TEX36: variants seen among roughly 807,000 people sequenced by gnomAD.
The protein encoded by TEX36 is testis expressed 36.
TEX36 carries 12 observed loss-of-function variants against 13.6 expected under a neutral mutation model. The ratio of observed to expected loss-of-function variants is 0.88; its 90% CI spans 0.56 to 1.43. The LOEUF is 1.43. TEX36 is among the 40% of genes most tolerant of loss of function. TEX36 has a pLI of 0.00. For synonymous variants in TEX36, 93 were observed against 83.0 expected (o/e 1.12, Z -0.65); for missense variants, 224 against 228.3 (o/e 0.98, Z 0.12).
intron 3 of TEX36, among the ~76,000 whole-genome samples, chr10:125,637,048 T>C (rs575720316): frequency 6.6e-6 from 1 of 152,156 alleles, no homozygotes; most frequent in African/African-American, 2.4e-5. Context: ...ATGCTGGTAA[T>C]CCCAGCATTT....
At chr10:125,678,603 G>A (rs1042696182) in intron 1 of TEX36, among the ~76,000 whole-genome samples, 9 of 152,182 alleles carry the variant, frequency 5.9e-5, no homozygotes, top group African/African-American at 2.2e-4. Flanking sequence ...GGTGATGGCA[G>A]TAGCAGTGGC....
intron 3 of TEX36, among the ~76,000 whole-genome samples, chr10:125,656,522 C>T (rs1395476784): frequency 1.3e-5 from 2 of 151,854 alleles, no homozygotes; most frequent in South Asian, 2.1e-4. Flanking sequence ...CCTCCCAAAG[C>T]GCTAGGATTA....
At chr10:125,617,479 C>T (rs1007045857), downstream of TEX36, among the ~76,000 whole-genome samples, 7 of 152,156 alleles carry the variant, frequency 4.6e-5, no homozygotes, top group Non-Finnish European at 4.4e-5. Flanking sequence ...TAGGGCAGGC[C>T]TGGTGGTGAC....
At chr10:125,618,075 G>A (rs1182642277), downstream of TEX36, among the ~76,000 whole-genome samples, 5 of 150,028 alleles carry the variant, frequency 3.3e-5, no homozygotes, top group African/African-American at 7.4e-5. Flanking sequence ...CCAGTTGATC[G>A]CATCGGCTCC....
chr10:125,649,959 T>C (rs1003384392), intron 3 of TEX36, among the ~76,000 whole-genome samples: 11 of 152,188 alleles, frequency 7.2e-5, no homozygotes, highest in South Asian at 2.1e-4. Context: ...ATCCTAAATA[T>C]ATATGCACCC....
At position 125,674,836 on chromosome 10, in the gene TEX36, T is replaced by C. The variant is rs1847287898; in HGVS notation, c.51+8103A>G. Reference sequence around the variant, plus strand: ...TCTCTGTCCCAGAGGGACACTGACCTGATACCAGCAGGAACACTCCTGTGT... The same window carrying C: ...TCTCTGTCCCAGAGGGACACTGACCCGATACCAGCAGGAACACTCCTGTGT... On this transcript the variant is annotated intron_variant, in intron 1 of 3. Coordinates refer to ENST00000368821, the MANE Select transcript of TEX36 (RefSeq NM_001128202.3). 2.0e-5 allele frequency among the ~76,000 whole-genome samples: 3 copies of C among 152,374 alleles called. No homozygotes were observed. In the South Asian group the frequency reaches 6.2e-4, roughly 32 times the overall value.
rs188331698 is a variant in TEX36, at chr10:125,665,958, T to C, written c.52-3981A>G. On this transcript the variant is annotated intron_variant, in intron 1 of 3. Transcript: ENST00000368821. ...TTCTTATATATTTTTGTAGCTATTA[T>C]AAATGAAATTGCCTTCTTGATTTCC... Among the ~76,000 whole-genome samples, 253 of 152,324 alleles carry C rather than the reference T, an allele frequency of 1.7e-3. 2 individuals are homozygous for C. Among genetic ancestry groups the C allele is most frequent in the Admixed American group, 0.015 (231 of 15,300 alleles).
intron 3 of TEX36, among the ~76,000 whole-genome samples, chr10:125,625,085 C>T (rs1186657177): frequency 6.6e-6 from 1 of 152,210 alleles, no homozygotes; most frequent in East Asian, 1.9e-4. Flanking sequence ...AAAGTCCGTG[C>T]TGACTCTTGC....
downstream of TEX36, among the ~76,000 whole-genome samples, chr10:125,650,850 C>A (rs1403892563): frequency 6.6e-6 from 1 of 152,124 alleles, no homozygotes; most frequent in Non-Finnish European, 1.5e-5. Context: ...AAACTGCCAT[C>A]AGAGAATACT....
chr10:125,608,390 C>A (rs1846242129), intron 3 of TEX36, among the ~76,000 whole-genome samples: 2 of 152,112 alleles, frequency 1.3e-5, no homozygotes, highest in South Asian at 2.1e-4. Flanking sequence ...CTGACTGTTA[C>A]AATTAAACAA....
intron 3 of TEX36, among the ~76,000 whole-genome samples, chr10:125,641,170 G>A (rs1846686471): frequency 6.6e-6 from 1 of 152,198 alleles, no homozygotes; most frequent in Admixed American, 6.5e-5. Flanking sequence ...GCCATGGCAG[G>A]AGAAGTGCCC....
intron 3 of TEX36, among the ~76,000 whole-genome samples, chr10:125,596,948 G>A (rs1214007937): frequency 1.3e-5 from 2 of 152,128 alleles, no homozygotes; most frequent in Non-Finnish European, 2.9e-5. Flanking sequence ...TGTAAAATGG[G>A]TTAAAAATAT....
intron 3 of TEX36, among the ~76,000 whole-genome samples, chr10:125,586,655 A>AAAAAAAAT (rs1565167270): frequency 3.3e-5 from 5 of 149,468 alleles, no homozygotes; most frequent in Non-Finnish European, 3.0e-5. Context: ...AAAAAAAAAA[A>AAAAAAAAT]AATTAGCCAG....
At chr10:125,639,603 G>T (rs1170456755) in intron 3 of TEX36, among the ~76,000 whole-genome samples, 4 of 151,836 alleles carry the variant, frequency 2.6e-5, no homozygotes, top group African/African-American at 7.3e-5. Context: ...GGGGCAATGT[G>T]GGGGGGTGGG....
rs575921831 is a variant in TEX36, at chr10:125,644,584, C to G, written c.264+16437G>C. ...ACACGCACACGTAAAACTGTGAAAT[C>G]TGAATAAGGCTTGTGGATTGTACCA... On this transcript the variant is annotated intron_variant, in intron 3 of 3. Transcript: ENST00000526819. Among the ~76,000 whole-genome samples the G allele has an allele frequency of 2.0e-5, 3 of 152,294 alleles. No individual in the cohort carries two copies. The South Asian group carries it at 6.2e-4, about 32-fold the overall frequency.
intron 3 of TEX36, among the ~76,000 whole-genome samples, chr10:125,577,910 G>C (rs117113956): frequency 6.6e-6 from 1 of 152,200 alleles, no homozygotes. Context: ...GAGAAAGAAA[G>C]ATTAAAAAGG....
intron 3 of TEX36, among the ~76,000 whole-genome samples, chr10:125,615,693 T>C (rs2133555216): frequency 6.6e-6 from 1 of 151,198 alleles, no homozygotes; most frequent in Admixed American, 6.6e-5. Context: ...GCCAGTATTT[T>C]ATTGAGGATT....
intron 3 of TEX36, among the ~76,000 whole-genome samples, chr10:125,645,449 CT>C (rs912493726): frequency 2.0e-5 from 3 of 152,154 alleles, no homozygotes; most frequent in African/African-American, 7.2e-5. Flanking sequence ...GCCCAACCCC[CT>C]CTCCATGGGC....
chr10:125,680,641 C>T (rs997075163), intron 1 of TEX36, among the ~76,000 whole-genome samples: 1 of 152,202 alleles, frequency 6.6e-6, no homozygotes, highest in African/African-American at 2.4e-5. Flanking sequence ...GTGGCAATTA[C>T]GGTCCTCCCA....
Sources: allele counts gnomAD v4.1 joint callset (sites outside exome capture counted in the v4.1 genomes callset), GRCh38; gene constraint gnomAD v4.1.1; transcripts MANE v1.5; gene names NCBI Gene and HGNC (gene_info 2026-07-23, HGNC 2026-07-21).